The following ST8SIA1 variants were observed in gnomAD, a reference collection of about 807,000 sequenced individuals.
The protein encoded by ST8SIA1 is alpha-N-acetylneuraminide alpha-2,8-sialyltransferase.
ST8SIA1 carries 16 observed loss-of-function variants against 35.9 expected under a neutral mutation model. The ratio of observed to expected loss-of-function variants is 0.45; its 90% CI spans 0.30 to 0.68. The LOEUF is 0.68. Ranked by LOEUF, ST8SIA1 falls within the 30% of genes least tolerant of loss-of-function variation. The probability of loss-of-function intolerance (pLI) is 0.09; values close to 1 mark genes in which losing one functional copy is unlikely to be tolerated. For synonymous variants in ST8SIA1, 170 were observed against 169.6 expected (o/e 1.00, Z -0.02); for missense variants, 383 against 453.6 (o/e 0.84, Z 1.41).
intron 4 of ST8SIA1, among the ~76,000 whole-genome samples, chr12:22,210,662 G>A (rs1865167101): frequency 6.6e-6 from 1 of 152,170 alleles, no homozygotes; most frequent in Admixed American, 6.5e-5. Context: ...CCTTCTTCAT[G>A]TTGGATTAAT....
Position 22,249,213 on chromosome 12 carries a change from G to GT in ST8SIA1, c.492-116dup, listed in dbSNP as rs771983175. On this transcript the variant is annotated intron_variant, in intron 3 of 4. Transcript: ENST00000396037. Reference sequence around the variant, plus strand: ...AGCTGAATTCACGAGTAACTGTTTTGTTTTTTGTTTTTTTTTTTTTTTTGA... The same window carrying GT: ...AGCTGAATTCACGAGTAACTGTTTTGTTTTTTTGTTTTTTTTTTTTTTTTGA... 3,905 of 460,040 alleles carry GT rather than the reference G, an allele frequency of 8.5e-3. 7 individuals are homozygous for GT. Among genetic ancestry groups the GT allele is most frequent in the Non-Finnish European group, 0.012 (3,122 of 268,160 alleles). 28.5% of individuals were successfully genotyped at this position (460,040 alleles called of 1,614,324 possible). A position where few individuals can be genotyped will look rare whatever the true frequency, so the allele number is the denominator to read the frequency against.
chr12:22,248,752 G>A (rs2120748553), intron 4 of ST8SIA1: 1 of 410,724 alleles, frequency 2.4e-6, no homozygotes, highest in East Asian at 4.1e-5. Context: ...TGTTCTTTGA[G>A]CAAAACAATT....
chr12:22,261,681 T>C (rs1284552169), intron 2 of ST8SIA1, among the ~76,000 whole-genome samples: 2 of 152,150 alleles, frequency 1.3e-5, no homozygotes, highest in Non-Finnish European at 2.9e-5. Flanking sequence ...TATAAATTAA[T>C]CTCCAAATTT....
chr12:22,234,709 G>A (rs1865457456), intron 4 of ST8SIA1, among the ~76,000 whole-genome samples: 2 of 152,094 alleles, frequency 1.3e-5, no homozygotes, highest in Non-Finnish European at 2.9e-5. Flanking sequence ...ATTTAATTAG[G>A]AGGACAGCAT....
At position 22,195,387 on chromosome 12, in the gene ST8SIA1, G is replaced by A. The variant is rs1055334809; in HGVS notation, c.*6165C>T. ...TCCGTCAGCATCTCATGATCTGTCTGTCACACTGCTTCCTCTAGCATCTTT... is the reference window on the plus strand; with the variant it reads ...TCCGTCAGCATCTCATGATCTGTCTATCACACTGCTTCCTCTAGCATCTTT... On this transcript the variant is annotated 3_prime_UTR_variant, in exon 5 of 5. Transcript: ENST00000396037. 6.6e-6 allele frequency: 1 copy of A among 152,084 alleles called. No individual in the cohort carries two copies. The highest frequency in any genetic ancestry group is 2.4e-5 in the African/African-American group (1 of 41,372). 9.4% of individuals were successfully genotyped at this position (152,084 alleles called of 1,614,324 possible).
chr12:22,319,881 A>C (rs1012675), intron 1 of ST8SIA1, among the ~76,000 whole-genome samples: 1 of 152,146 alleles, frequency 6.6e-6, no homozygotes, highest in African/African-American at 2.4e-5. Context: ...AAGAAGAAAA[A>C]GAAATTTTTA....
At chr12:22,290,372 G>A (rs1244845699) in intron 1 of ST8SIA1, among the ~76,000 whole-genome samples, 5 of 152,262 alleles carry the variant, frequency 3.3e-5, no homozygotes, top group African/African-American at 1.2e-4. Context: ...AATAGTACTA[G>A]TACTATAGTA....
intron 4 of ST8SIA1, among the ~76,000 whole-genome samples, chr12:22,243,147 T>C (rs1865559384): frequency 6.6e-6 from 1 of 152,230 alleles, no homozygotes; most frequent in South Asian, 2.1e-4. Flanking sequence ...TTTTATCTTG[T>C]TACTGATATT....
intron 4 of ST8SIA1, among the ~76,000 whole-genome samples, chr12:22,225,932 C>T (rs1388885316): frequency 1.3e-5 from 2 of 152,184 alleles, no homozygotes; most frequent in African/African-American, 4.8e-5. Context: ...CCATGTATAT[C>T]AGCAAACACT....
chr12:22,218,004 A>G (rs1001620308), intron 4 of ST8SIA1, among the ~76,000 whole-genome samples: 16 of 152,226 alleles, frequency 1.1e-4, no homozygotes, highest in East Asian at 1.9e-4. Flanking sequence ...CATGTGACTG[A>G]CATTCCAAAC....
chr12:22,218,638 C>G (rs7488721), intron 4 of ST8SIA1, among the ~76,000 whole-genome samples: 1 of 22,092 alleles, frequency 4.5e-5, no homozygotes. Context: ...TAAATAAATA[C>G]AAAAAGTAGC....
intron 4 of ST8SIA1, among the ~76,000 whole-genome samples, chr12:22,234,534 G>A (rs1865455026): frequency 6.6e-6 from 1 of 152,048 alleles, no homozygotes; most frequent in African/African-American, 2.4e-5. Flanking sequence ...TGCTTTACAA[G>A]AAAATATAAA....
At chr12:22,274,854 T>C (rs1865951227) in intron 2 of ST8SIA1, among the ~76,000 whole-genome samples, 1 of 152,218 alleles carries the variant, frequency 6.6e-6, no homozygotes, top group African/African-American at 2.4e-5. Flanking sequence ...CCTGCTATGT[T>C]ATGTGCCAGA....
rs778992180 is a variant in ST8SIA1 at position 22,201,516 on chromosome 12, A to C, written c.*36T>G. 6.5e-7 allele frequency: 1 copy of C among 1,545,364 alleles called. No homozygotes were observed. Among genetic ancestry groups the C allele is most frequent in the Non-Finnish European group, 8.7e-7 (1 of 1,150,592 alleles). On this transcript the variant is annotated 3_prime_UTR_variant, in exon 5 of 5. Coordinates refer to ENST00000396037, the MANE Select transcript of ST8SIA1 (RefSeq NM_003034.4). ...GGAGTCACATAGAAAACCTAACAAA[A>C]ATACCCTGGTTCAGTCCTTTCTTCT...
At chr12:22,269,791 T>C (rs1865890221) in intron 2 of ST8SIA1, among the ~76,000 whole-genome samples, 1 of 152,226 alleles carries the variant, frequency 6.6e-6, no homozygotes, top group Admixed American at 6.5e-5. Flanking sequence ...CAGAACCCTC[T>C]TTTAACAAGT....
At position 22,272,757 on chromosome 12, in the gene ST8SIA1, G is replaced by A. The variant is rs1865926244; in HGVS notation, c.381+14392C>T. Among the ~76,000 whole-genome samples, 2 of 152,262 alleles carry A rather than the reference G, an allele frequency of 1.3e-5. 1 individual carries two copies. Among genetic ancestry groups the A allele is most frequent in the Admixed American group, 1.3e-4 (2 of 15,292 alleles). On this transcript the variant is annotated intron_variant, in intron 2 of 4. Transcript: ENST00000396037. ...GCTCCAACACAAGAACCGACAGTCT[G>A]GAGATGCCAGCTCCTGGCAGGGAAG...
chr12:22,278,755 T>C (rs759483400), intron 2 of ST8SIA1, among the ~76,000 whole-genome samples: 3 of 152,054 alleles, frequency 2.0e-5, no homozygotes, highest in Non-Finnish European at 4.4e-5. Context: ...ATCTCAAGAA[T>C]AGAGTCTGAA....
intron 2 of ST8SIA1, among the ~76,000 whole-genome samples, chr12:22,272,823 C>T (rs1865926930): frequency 1.3e-5 from 2 of 152,236 alleles, no homozygotes; most frequent in Admixed American, 1.3e-4. Flanking sequence ...TGTCACTGCA[C>T]TCTGCCATTT....
At chr12:22,248,840 C>A in intron 4 of ST8SIA1, 166 bp downstream of exon 4, 2 of 556,224 alleles carry the variant, frequency 3.6e-6, no homozygotes, top group East Asian at 2.9e-5. Context: ...GTTTGGATTC[C>A]CATAATCCTG....
Sources: allele counts gnomAD v4.1 joint callset (sites outside exome capture counted in the v4.1 genomes callset), GRCh38; gene constraint gnomAD v4.1.1; transcripts MANE v1.5; gene names NCBI Gene and HGNC (gene_info 2026-07-23, HGNC 2026-07-21).